KIAA0825: variants seen among roughly 807,000 people sequenced by gnomAD.
KIAA0825 encodes the protein KIAA0825.
In KIAA0825, 119 loss-of-function variants were observed where a neutral mutation model predicts 147.6. The ratio of observed to expected loss-of-function variants is 0.81; its 90% CI spans 0.69 to 0.94. The LOEUF (loss-of-function observed/expected upper bound fraction) is 0.94, where lower values mean the gene tolerates loss of function less well. KIAA0825 is among the 40% of genes least tolerant of loss of function. KIAA0825 has a pLI of 0.00. For missense variants in KIAA0825, 1,381 were observed against 1,472.7 expected, an observed-to-expected ratio of 0.94 and a Z score of 1.02; for synonymous variants, 470 against 518.1, an observed-to-expected ratio of 0.91 and a Z score of 1.26.
intron 1 of KIAA0825, among the ~76,000 whole-genome samples, chr5:94,597,261 T>C (rs1365272685): frequency 6.6e-6 from 1 of 152,178 alleles, no homozygotes; most frequent in East Asian, 1.9e-4. Context: ...ATAGACCATG[T>C]ACCTAGGTCA....
intron 18 of KIAA0825, among the ~76,000 whole-genome samples, chr5:94,387,942 C>T (rs755657767): frequency 5.9e-4 from 90 of 152,116 alleles, no homozygotes; most frequent in Admixed American, 1.3e-3. Context: ...TATTATAAAA[C>T]CCTAAAAATT....
chr5:94,592,957 T>C, intron 1 of KIAA0825: 1 of 568,440 alleles, frequency 1.8e-6, no homozygotes, highest in Non-Finnish European at 3.3e-6. Flanking sequence ...AATCATACTT[T>C]CAGAAAAACA....
intron 20 of KIAA0825, among the ~76,000 whole-genome samples, chr5:94,269,512 T>C (rs1776885522): frequency 6.6e-6 from 1 of 152,054 alleles, no homozygotes; most frequent in Non-Finnish European, 1.5e-5. Context: ...AATCCATCTA[T>C]CTGTTGCTAT....
At chr5:94,358,108 T>G (rs1744553220) in intron 20 of KIAA0825, among the ~76,000 whole-genome samples, 1 of 152,342 alleles carries the variant, frequency 6.6e-6, no homozygotes, top group South Asian at 2.1e-4. Flanking sequence ...TATAAATGTT[T>G]AATCAAACTG....
At chr5:94,423,969 T>C (rs758523213) in intron 14 of KIAA0825, among the ~76,000 whole-genome samples, 1 of 152,178 alleles carries the variant, frequency 6.6e-6, no homozygotes, top group Non-Finnish European at 1.5e-5. Context: ...AACTTTGTTG[T>C]ATAAAAGGCT....
At chr5:94,588,443 AT>A (rs1783733434) in intron 1 of KIAA0825, among the ~76,000 whole-genome samples, 1 of 152,256 alleles carries the variant, frequency 6.6e-6, no homozygotes, top group Admixed American at 6.5e-5. Flanking sequence ...AAAAATGCTC[AT>A]CATCAATGGT....
intron 20 of KIAA0825, among the ~76,000 whole-genome samples, chr5:94,291,702 C>T (rs1162429427): frequency 1.3e-5 from 2 of 152,060 alleles, no homozygotes; most frequent in Non-Finnish European, 2.9e-5. Flanking sequence ...TTACTTTGGG[C>T]AGTATGGCCA....
intron 7 of KIAA0825, among the ~76,000 whole-genome samples, chr5:94,474,330 G>A (rs1466025201): frequency 6.6e-6 from 1 of 152,064 alleles, no homozygotes. Flanking sequence ...AAAGCATTAT[G>A]GGTAGCAGGC....
chr5:94,494,044 G>A (rs867534448), intron 5 of KIAA0825, among the ~76,000 whole-genome samples: 3 of 152,052 alleles, frequency 2.0e-5, no homozygotes, highest in South Asian at 4.1e-4. Flanking sequence ...GGCTAAAAAG[G>A]GTGAAGATAG....
At chr5:94,281,177 T>G (rs1777444558) in intron 20 of KIAA0825, among the ~76,000 whole-genome samples, 1 of 147,250 alleles carries the variant, frequency 6.8e-6, no homozygotes, top group Non-Finnish European at 1.5e-5. Context: ...TTTTATATAT[T>G]AATTCAAACA....
rs1477870040 is a variant in KIAA0825, at chr5:94,382,907, A to C, written c.3710+1461T>G. 2.6e-5 allele frequency among the ~76,000 whole-genome samples: 4 copies of C among 152,382 alleles called. No individual in the cohort carries two copies. The East Asian group carries it at 7.7e-4, about 29-fold the overall frequency. ...GAAGCAGCAATTCATGACTGAAAAT[A>C]AACTTAGTAAAATATAACACAGTTA... On this transcript the variant is annotated intron_variant, in intron 20 of 20. Transcript: ENST00000682413.
intron 15 of KIAA0825, chr5:94,416,287 C>T (rs1340889636): frequency 1.3e-5 from 2 of 152,004 alleles, no homozygotes; most frequent in African/African-American, 4.8e-5. Context: ...GACTGTAAAA[C>T]AGCTAGAATG....
rs1210281230 is a variant in KIAA0825, at chr5:94,396,107, G to C, written c.3290C>G (p.Thr1097Ser). Residue 1097 changes from threonine (T) to serine (S), a missense_variant, in exon 17 of 21, where the codon ACT (threonine) becomes AGT (serine). Transcript: ENST00000682413. ...GAGAAAAACATCACTTTACCATTCA[G>C]TGCTCAGTTTCCTTGCTTTCAACAA... ...RQLLKARKLSTECAFMTIEKS... is the reference protein window; with the variant it reads ...RQLLKARKLSSECAFMTIEKS... 1 of 1,473,776 alleles carries C rather than the reference G, an allele frequency of 6.8e-7. No homozygotes were observed. Among genetic ancestry groups the C allele is most frequent in the East Asian group, 2.5e-5 (1 of 39,916 alleles). 91.3% of individuals were successfully genotyped at this position (1,473,776 alleles called of 1,614,324 possible).
At chr5:94,493,361 T>C (rs1265238673) in intron 5 of KIAA0825, among the ~76,000 whole-genome samples, 1 of 152,204 alleles carries the variant, frequency 6.6e-6, no homozygotes, top group Non-Finnish European at 1.5e-5. Flanking sequence ...TAACTAATGG[T>C]GTCACCCTTT....
intron 20 of KIAA0825, among the ~76,000 whole-genome samples, chr5:94,323,354 C>T (rs148922671): frequency 9.3e-4 from 141 of 151,902 alleles, no homozygotes; most frequent in African/African-American, 3.3e-3. Flanking sequence ...GAAAATAAAA[C>T]ATTTTGAAAG....
At chr5:94,361,851 T>C (rs534673887) in intron 20 of KIAA0825, among the ~76,000 whole-genome samples, 12 of 152,172 alleles carry the variant, frequency 7.9e-5, no homozygotes, top group Non-Finnish European at 1.8e-4. Context: ...CACACAGACT[T>C]GGAAGCATCA....
At chr5:94,171,083 T>A (rs1318152011) in intron 20 of KIAA0825, among the ~76,000 whole-genome samples, 1 of 152,184 alleles carries the variant, frequency 6.6e-6, no homozygotes, top group East Asian at 1.9e-4. Context: ...TGATATGGTT[T>A]GCTGTGTCCC....
intron 1 of KIAA0825, among the ~76,000 whole-genome samples, chr5:94,612,414 T>C (rs571896546): frequency 2.6e-5 from 4 of 152,196 alleles, no homozygotes; most frequent in South Asian, 2.1e-4. Context: ...CTTAGAAGAG[T>C]GTAGCACTTT....
intron 20 of KIAA0825, among the ~76,000 whole-genome samples, chr5:94,189,695 T>G (rs1169587875): frequency 2.0e-5 from 3 of 152,212 alleles, no homozygotes; most frequent in Non-Finnish European, 4.4e-5. Context: ...ATAGGAAGTC[T>G]TTAAATCAGG....
Sources: gnomAD v4.1 joint callset for allele counts (sites outside exome capture counted in the v4.1 genomes callset) on GRCh38, gnomAD v4.1.1 for gene constraint, MANE v1.5 for transcripts, NCBI Gene and HGNC (gene_info 2026-07-23, HGNC 2026-07-21) for gene names.